Variants in GRIK3 observed in about 807,000 individuals in gnomAD.
GRIK3 encodes the protein glutamate ionotropic receptor kainate type subunit 3.
GRIK3 carries 29 observed loss-of-function variants against 102.5 expected under a neutral mutation model. That is an observed-to-expected ratio of 0.28 (90% CI 0.21 to 0.39). The LOEUF is 0.39. Ranked by LOEUF, GRIK3 falls within the 10% of genes least tolerant of loss-of-function variation. GRIK3 has a pLI of 1.00. For missense variants in GRIK3, 908 were observed against 1,252.4 expected (o/e 0.73, Z 4.15); for synonymous variants, 511 against 504.9 (o/e 1.01, Z -0.16).
chr1:36,966,153 A>G (rs994738799), intron 1 of GRIK3, among the ~76,000 whole-genome samples: 1 of 152,366 alleles, frequency 6.6e-6, no homozygotes, highest in South Asian at 2.1e-4. Flanking sequence ...GTGCAGGTCC[A>G]GCCATCTGTG....
chr1:36,944,946 T>C (rs554066628), intron 1 of GRIK3, among the ~76,000 whole-genome samples: 28 of 152,352 alleles, frequency 1.8e-4, no homozygotes, highest in South Asian at 8.3e-4. Flanking sequence ...CTGACCCTGG[T>C]GCCCTCTCAG....
intron 13 of GRIK3, among the ~76,000 whole-genome samples, chr1:36,815,459 G>T (rs906236941): frequency 6.6e-6 from 1 of 152,218 alleles, no homozygotes; most frequent in Admixed American, 6.5e-5. Context: ...AGGAGGCAGC[G>T]GCTGGGAGAT....
intron 10 of GRIK3, among the ~76,000 whole-genome samples, chr1:36,829,906 A>G (rs1642797183): frequency 6.6e-6 from 1 of 152,166 alleles, no homozygotes; most frequent in African/African-American, 2.4e-5. Flanking sequence ...TGGGGTTGGG[A>G]CTGTGGCCTC....
At chr1:36,884,986 C>A (rs1466038782) in intron 2 of GRIK3, among the ~76,000 whole-genome samples, 1 of 152,170 alleles carries the variant, frequency 6.6e-6, no homozygotes, top group Non-Finnish European at 1.5e-5. Context: ...TAAGAGTGTT[C>A]TTCAAAGAAG....
rs1570734613 is a variant in GRIK3, at chr1:36,806,018, T to C, written c.2314+86A>G. 1.1e-5 allele frequency: 8 copies of C among 751,412 alleles called. No individual in the cohort carries two copies. The East Asian group carries it at 1.8e-4, about 17-fold the overall frequency. 46.5% of individuals were successfully genotyped at this position (751,412 alleles called of 1,614,324 possible). Reference sequence around the variant, plus strand: ...CCTTTATCAGCCCCATGGAATGAGCTGTGAGACGGAGTGTGAGGGGACGCG... The same window carrying C: ...CCTTTATCAGCCCCATGGAATGAGCCGTGAGACGGAGTGTGAGGGGACGCG... On this transcript the variant is annotated intron_variant, in intron 14 of 15. Transcript: ENST00000373091. This position sits in a 1 kb window ranked among gnomAD's most constrained non-coding sequence, Gnocchi z 4.0.
rs780893180 is a variant in GRIK3 at position 36,819,654 on chromosome 1, G to C, written c.1873+82C>G. The stretch of plus-strand genomic sequence containing the variant: ...GAGGCTACCCCTAGAGGTGTGGGCT[G>C]GCTCTGCTGATGCCAAAGAGGCTGA... On this transcript the variant is annotated intron_variant, in intron 12 of 15. Coordinates refer to ENST00000373091, the MANE Select transcript of GRIK3 (RefSeq NM_000831.4). The surrounding 1 kb of genome is among the most constrained non-coding windows in gnomAD (Gnocchi z 4.1). 5.2e-6 allele frequency: 4 copies of C among 772,026 alleles called. No homozygotes were observed. Among genetic ancestry groups the C allele is most frequent in the African/African-American group, 5.1e-5 (3 of 59,260 alleles). The allele number at this position is 772,026 out of a possible 1,614,324, so 47.8% of individuals were successfully genotyped here.
Position 36,890,995 on chromosome 1 carries a change from G to C in GRIK3, c.217C>G (p.Leu73Val), listed in dbSNP as rs1433559786. ...TAGGTCAAGGTTGTGTTGGGCAGCAGAGTCCTGTTCCTGTTGATGATGTTG... is the reference window on the plus strand; with the variant it reads ...TAGGTCAAGGTTGTGTTGGGCAGCACAGTCCTGTTCCTGTTGATGATGTTG... ...SANIINRNRT[L>V]LPNTTLTYDI... Residue 73 changes from leucine to valine, a missense_variant, in exon 2 of 16, where the codon CTG becomes GTG. Physicochemically the swap from Leu to Val is conservative, Grantham distance 32. Coordinates refer to ENST00000373091, the MANE Select transcript of GRIK3 (RefSeq NM_000831.4). 1 of 1,613,930 alleles carries C rather than the reference G, an allele frequency of 6.2e-7. No homozygotes were observed. Among genetic ancestry groups the C allele is most frequent in the Non-Finnish European group, 8.5e-7 (1 of 1,179,930 alleles).
intron 1 of GRIK3, among the ~76,000 whole-genome samples, chr1:36,934,419 T>A (rs1641631506): frequency 6.6e-6 from 1 of 152,212 alleles, no homozygotes; most frequent in South Asian, 2.1e-4. Flanking sequence ...GTCATGGTGA[T>A]CTTGTTTCAT....
intron 10 of GRIK3, among the ~76,000 whole-genome samples, chr1:36,826,713 G>T (rs57581538): frequency 3.6e-4 from 54 of 151,442 alleles, no homozygotes; most frequent in African/African-American, 1.2e-3. Flanking sequence ...AACAAAAGAA[G>T]CAAATCCAGG....
intron 1 of GRIK3, among the ~76,000 whole-genome samples, chr1:36,922,682 G>A (rs1570800876): frequency 6.6e-6 from 1 of 152,274 alleles, no homozygotes; most frequent in African/African-American, 2.4e-5. Context: ...CCTGTGCTTG[G>A]ACTTCACGTA....
chr1:37,029,162 C>T (rs1258501596), intron 1 of GRIK3, among the ~76,000 whole-genome samples: 1 of 151,880 alleles, frequency 6.6e-6, no homozygotes, highest in Non-Finnish European at 1.5e-5. Flanking sequence ...GAATCAAGCC[C>T]AAGGCCAAGG....
chr1:36,998,861 A>T (rs1348179103), intron 1 of GRIK3, among the ~76,000 whole-genome samples: 1 of 152,140 alleles, frequency 6.6e-6, no homozygotes. Context: ...CAAGTGGCTA[A>T]AGCCCAAGGG....
chr1:36,874,257 C>G (rs1418682823), intron 3 of GRIK3, among the ~76,000 whole-genome samples: 1 of 152,190 alleles, frequency 6.6e-6, no homozygotes, highest in Non-Finnish European at 1.5e-5. Flanking sequence ...TTCCTGAGGG[C>G]TGGACATCAG....
intron 1 of GRIK3, among the ~76,000 whole-genome samples, chr1:36,953,435 C>A (rs1237015245): frequency 6.6e-6 from 1 of 152,084 alleles, no homozygotes; most frequent in Non-Finnish European, 1.5e-5. Flanking sequence ...CAATGGTGAG[C>A]TATTGATGGC....
At position 36,817,283 on chromosome 1, in the gene GRIK3, C is replaced by G; in HGVS notation, c.1874-6G>C. The G allele has an allele frequency of 6.3e-7, 1 of 1,593,420 alleles. No homozygotes were observed. The highest frequency in any genetic ancestry group is 1.7e-5 in the Admixed American group (1 of 59,978). On this transcript the variant is annotated splice_region_variant and splice_polypyrimidine_tract_variant and intron_variant, in intron 12 of 15. Transcript: ENST00000373091. ...TTTGGGCATCAGCTCAGACCCTGGG[C>G]GAAGAGAGGAGATAGTCAGTCCCTT...
chr1:37,030,936 G>A (rs961900265), intron 1 of GRIK3, among the ~76,000 whole-genome samples: 2 of 152,080 alleles, frequency 1.3e-5, no homozygotes, highest in African/African-American at 4.8e-5. Flanking sequence ...ACAAACTGGT[G>A]GCAGATGCAG....
At position 36,880,225 on chromosome 1, in the gene GRIK3, G is replaced by A. The variant is rs548940645; in HGVS notation, c.550+409C>T. The stretch of plus-strand genomic sequence containing the variant: ...GTGTACACACTTAACACTAGGCCAC[G>A]CCATAAGCTATGTGTGTGAGTGTGC... On this transcript the variant is annotated intron_variant, in intron 3 of 15. Coordinates refer to ENST00000373091, the MANE Select transcript of GRIK3 (RefSeq NM_000831.4). This position sits in a 1 kb window ranked among gnomAD's most constrained non-coding sequence, Gnocchi z 5.4. Among the ~76,000 whole-genome samples, 10 of 152,304 alleles carry A rather than the reference G, an allele frequency of 6.6e-5. No homozygotes were observed. The South Asian group carries it at 1.0e-3, about 16-fold the overall frequency.
chr1:36,958,121 T>C (rs553546), intron 1 of GRIK3, among the ~76,000 whole-genome samples: 58,081 of 89,300 alleles, frequency 0.65, 18,886 homozygotes, highest in East Asian at 0.93. Flanking sequence ...TGAGTCTGTG[T>C]CCCATGAGTC....
chr1:36,942,527 C>G (rs573101135), intron 1 of GRIK3, among the ~76,000 whole-genome samples: 1 of 152,306 alleles, frequency 6.6e-6, no homozygotes, highest in East Asian at 1.9e-4. Context: ...GAGGCTGTTC[C>G]CTTGCCTGCA....
Sources: allele counts gnomAD v4.1 joint callset (sites outside exome capture counted in the v4.1 genomes callset), GRCh38; gene constraint gnomAD v4.1.1; non-coding constraint Gnocchi (gnomAD v3.1); transcripts MANE v1.5; gene names NCBI Gene and HGNC (gene_info 2026-07-23, HGNC 2026-07-21).